TRIM14: variants seen among roughly 807,000 people sequenced by gnomAD.
TRIM14 encodes the protein tripartite motif containing 14.
In TRIM14, 28 loss-of-function variants were observed where a neutral mutation model predicts 44.5. The observed-to-expected ratio is 0.63, with a 90% confidence interval of 0.47 to 0.86. The LOEUF is 0.86. TRIM14 is among the 40% of genes least tolerant of loss of function. The pLI, the probability that TRIM14 is intolerant of heterozygous loss-of-function variation, is 0.00. For synonymous variants in TRIM14, 299 were observed against 269.2 expected, an observed-to-expected ratio of 1.11 and a Z score of -1.08; for missense variants, 607 against 611.1, an observed-to-expected ratio of 0.99 and a Z score of 0.07.
the TRIM14 span, among the ~76,000 whole-genome samples, chr9:98,040,397 C>T: frequency 1.3e-5 from 2 of 152,004 alleles, no homozygotes; most frequent in African/African-American, 4.8e-5. Context: ...CTGGACTGCT[C>T]GGGGCCTTTG....
At chr9:98,074,589 G>A (rs1461834019) in intron 6 of TRIM14, 1 of 152,218 alleles carries the variant, frequency 6.6e-6, no homozygotes, top group African/African-American at 2.4e-5. Context: ...TCCCCAGGAG[G>A]CGGCAAAATG....
the TRIM14 span, among the ~76,000 whole-genome samples, chr9:98,048,425 T>A: frequency 6.6e-6 from 1 of 152,314 alleles, no homozygotes; most frequent in Non-Finnish European, 1.5e-5. Context: ...CTACAGCTAC[T>A]GGATCTTCTT....
At chr9:98,056,643 CGGGAGAGAGGCGGGG>C in the TRIM14 span, 1 of 1,066,530 alleles carries the variant, frequency 9.4e-7, no homozygotes, top group Non-Finnish European at 1.3e-6. Context: ...GATTGGCTGT[CGGGAGAGAGGCGGGG>C]CCTAGGGGAT....
In TRIM14 at chr9:98,086,416, A is replaced by G. The variant is rs1825777845; in HGVS notation, c.*1054T>C. On this transcript the variant is annotated 3_prime_UTR_variant, in exon 6 of 6. Coordinates refer to ENST00000341469, the MANE Select transcript of TRIM14 (RefSeq NM_014788.4). ...GTGACCTGTGAGGCCCGCCTAACTC[A>G]GCTCTTCTGTTACTCAGTGATAGGC... 1 of 152,178 alleles carries G rather than the reference A, an allele frequency of 6.6e-6. No individual in the cohort carries two copies. The highest frequency in any genetic ancestry group is 2.4e-5 in the African/African-American group (1 of 41,404). The allele number at this position is 152,178 out of a possible 1,614,324, so 9.4% of individuals were successfully genotyped here. A position where few individuals can be genotyped will look rare whatever the true frequency, so the allele number is the denominator to read the frequency against.
chr9:98,094,556 GAGA>G (rs1826113197), intron 4 of TRIM14, among the ~76,000 whole-genome samples: 1 of 152,260 alleles, frequency 6.6e-6, no homozygotes, highest in Non-Finnish European at 1.5e-5. Context: ...GCCAGAGGAA[GAGA>G]AGGAGGAAGA....
At chr9:98,064,469 T>G (rs1004494312), downstream of TRIM14, among the ~76,000 whole-genome samples, 1 of 152,192 alleles carries the variant, frequency 6.6e-6, no homozygotes, top group Admixed American at 6.5e-5. Flanking sequence ...TTGACCAGGC[T>G]GGTCTTGAAC....
At chr9:98,098,580 G>T (rs1447435696) in intron 3 of TRIM14, among the ~76,000 whole-genome samples, 1 of 151,900 alleles carries the variant, frequency 6.6e-6, no homozygotes, top group East Asian at 1.9e-4. Context: ...GGCGTGGTGG[G>T]GGGCGCCTGT....
chr9:98,078,562 G>A lies in TRIM14; in HGVS notation c.*29-8875C>T, dbSNP rs536809781. ...GTAAATGAAATTTTCTTGGCCAGGC[G>A]CGGTGGGTCATGCCTGTAATCCCAG... is the stretch of plus-strand genomic sequence containing the variant. On this transcript the variant is annotated intron_variant, in intron 6 of 6. Transcript: ENST00000375098. 6.4e-4 allele frequency among the ~76,000 whole-genome samples: 98 copies of A among 152,186 alleles called. 1 individual carries two copies. In the South Asian group the frequency reaches 0.017, roughly 26 times the overall value.
the TRIM14 span, among the ~76,000 whole-genome samples, chr9:98,041,483 C>A: frequency 1.3e-5 from 2 of 149,162 alleles, no homozygotes; most frequent in Non-Finnish European, 3.0e-5. Flanking sequence ...CCTCACCCAG[C>A]AATAAGGACA....
Position 98,078,102 on chromosome 9 carries a change from T to C in TRIM14, c.*29-8415A>G, listed in dbSNP as rs541796894. Reference sequence around the variant, plus strand: ...TTTAAGAGATGTCTGTGGAGTTCAGTTGAATGATGAGACCAGCAGTTGGGA... The same window carrying C: ...TTTAAGAGATGTCTGTGGAGTTCAGCTGAATGATGAGACCAGCAGTTGGGA... On this transcript the variant is annotated intron_variant, in intron 6 of 6. Coordinates refer to the TRIM14 transcript ENST00000375098. The C allele has an allele frequency of 2.7e-4, 424 of 1,562,448 alleles. 1 individual carries two copies. The African/African-American group carries it at 4.7e-3, about 17-fold the overall frequency.
chr9:98,111,456 T>C (rs540155000), intron 1 of TRIM14, among the ~76,000 whole-genome samples: 11 of 152,146 alleles, frequency 7.2e-5, no homozygotes, highest in African/African-American at 2.4e-4. Context: ...CTGGGCATGG[T>C]GGAGAATGCC....
chr9:98,061,956 T>C, the TRIM14 span, among the ~76,000 whole-genome samples: 2 of 151,678 alleles, frequency 1.3e-5, no homozygotes, highest in African/African-American at 4.8e-5. Context: ...GTGTGGTGGC[T>C]CACACCTGTA....
chr9:98,054,348 G>C, the TRIM14 span, among the ~76,000 whole-genome samples: 10 of 152,162 alleles, frequency 6.6e-5, no homozygotes, highest in African/African-American at 1.2e-4. Flanking sequence ...TTCTCCATCT[G>C]AGAAGTCTCC....
At chr9:98,042,493 A>G in the TRIM14 span, among the ~76,000 whole-genome samples, 7 of 152,272 alleles carry the variant, frequency 4.6e-5, no homozygotes, top group South Asian at 1.4e-3. Context: ...CACTTGATCA[A>G]TAAATGCAAA....
chr9:98,039,004 C>T, the TRIM14 span, among the ~76,000 whole-genome samples: 2 of 151,662 alleles, frequency 1.3e-5, no homozygotes, highest in African/African-American at 2.4e-5. Context: ...GAGCCGAGGT[C>T]GCGCCACTGC....
intron 6 of TRIM14, among the ~76,000 whole-genome samples, chr9:98,072,210 G>A (rs1008645127): frequency 3.9e-5 from 6 of 152,190 alleles, no homozygotes; most frequent in Admixed American, 2.0e-4. Flanking sequence ...GCTATCTGGA[G>A]GATTCAGGGA....
chr9:98,107,108 T>C (rs1294775041), intron 2 of TRIM14, among the ~76,000 whole-genome samples: 1 of 152,222 alleles, frequency 6.6e-6, no homozygotes, highest in Admixed American at 6.5e-5. Flanking sequence ...ACACAGATTA[T>C]GCAAGTTAAG....
At chr9:98,059,776 C>T in the TRIM14 span, among the ~76,000 whole-genome samples, 1 of 151,760 alleles carries the variant, frequency 6.6e-6, no homozygotes, top group Non-Finnish European at 1.5e-5. Flanking sequence ...ATATTATTGC[C>T]TCTGCTCAGT....
chr9:98,065,876 T>A (rs928416701), downstream of TRIM14, among the ~76,000 whole-genome samples: 5 of 152,278 alleles, frequency 3.3e-5, no homozygotes, highest in Admixed American at 6.5e-5. Context: ...TCATTTTCTC[T>A]TGCTGCTGCC....
Sources: allele counts gnomAD v4.1 joint callset (sites outside exome capture counted in the v4.1 genomes callset), GRCh38; gene constraint gnomAD v4.1.1; transcripts MANE v1.5; gene names NCBI Gene and HGNC (gene_info 2026-07-23, HGNC 2026-07-21).